Variants in PCDHA1 observed in about 807,000 individuals in gnomAD.
The protein encoded by PCDHA1 is protocadherin alpha 1.
Under a neutral mutation model 61.3 loss-of-function variants are expected in PCDHA1, and 42 were observed. That is an observed-to-expected ratio of 0.69 (90% CI 0.54 to 0.89). The LOEUF is 0.89. PCDHA1 is among the 40% of genes least tolerant of loss of function. PCDHA1 has a pLI of 0.00. For missense variants in PCDHA1, 1,256 were observed against 1,235.3 expected, an observed-to-expected ratio of 1.02 and a Z score of -0.25; for synonymous variants, 610 against 553.8, an observed-to-expected ratio of 1.10 and a Z score of -1.43.
intron 1 of PCDHA1, chr5:140,867,841 C>T (rs1554161566): frequency 1.3e-5 from 2 of 151,958 alleles, no homozygotes; most frequent in African/African-American, 4.8e-5. Flanking sequence ...GGTAATTTAC[C>T]ATTTAGTTGA....
chr5:140,917,327 G>C (rs1219338384), intron 1 of PCDHA1, among the ~76,000 whole-genome samples: 1 of 149,420 alleles, frequency 6.7e-6, no homozygotes, highest in African/African-American at 2.5e-5. Flanking sequence ...CATGTGGCGG[G>C]GGAGGGGGGG....
At chr5:140,983,720 T>G (rs1563510266) in intron 3 of PCDHA1, among the ~76,000 whole-genome samples, 1 of 152,228 alleles carries the variant, frequency 6.6e-6, no homozygotes, top group Non-Finnish European at 1.5e-5. Context: ...AGCACTTATA[T>G]TCATAACATG....
intron 3 of PCDHA1, among the ~76,000 whole-genome samples, chr5:140,990,384 T>A (rs2097391380): frequency 6.6e-6 from 1 of 152,186 alleles, no homozygotes; most frequent in Non-Finnish European, 1.5e-5. Context: ...TTGTTGGTGA[T>A]GTTCCAAGAA....
At chr5:140,839,222 T>C (rs1358006384) in intron 1 of PCDHA1, among the ~76,000 whole-genome samples, 1 of 151,922 alleles carries the variant, frequency 6.6e-6, no homozygotes, top group Non-Finnish European at 1.5e-5. Flanking sequence ...GATGTAACTG[T>C]AATCTGTTTT....
intron 1 of PCDHA1, chr5:140,803,247 G>C: frequency 1.2e-6 from 2 of 1,613,830 alleles, no homozygotes; most frequent in Non-Finnish European, 1.7e-6. Flanking sequence ...CCAGGCGTCC[G>C]CTGGCGCCAC....
intron 1 of PCDHA1, chr5:140,823,603 C>A (rs2150127370): frequency 1.2e-6 from 2 of 1,614,048 alleles, no homozygotes; most frequent in South Asian, 2.2e-5. Context: ...TTCGTATGAG[C>A]TGCAGCCAGC....
intron 1 of PCDHA1, chr5:140,823,834 G>T (rs1197490910): frequency 1.9e-6 from 3 of 1,613,838 alleles, no homozygotes; most frequent in East Asian, 4.5e-5. Context: ...GGGCGCTGTG[G>T]GTCCCGAGGC....
chr5:140,884,504 G>A (rs782001863), intron 1 of PCDHA1: 5 of 1,614,180 alleles, frequency 3.1e-6, no homozygotes, highest in Admixed American at 3.3e-5. Flanking sequence ...CAGCGCGGCA[G>A]GGAGTTGGTC....
intron 1 of PCDHA1, chr5:140,863,799 G>T: frequency 4.7e-6 from 1 of 212,460 alleles, no homozygotes; most frequent in Non-Finnish European, 9.6e-6. Context: ...AGGAGTTTGA[G>T]ACCAGCCTGG....
intron 1 of PCDHA1, chr5:140,858,297 A>T: frequency 1.3e-6 from 2 of 1,597,406 alleles, no homozygotes; most frequent in Non-Finnish European, 1.7e-6. Context: ...TCTTACTCGC[A>T]GCAGAGGCGG....
In PCDHA1 at chr5:140,786,550, A is replaced by G. The variant is rs781835039; in HGVS notation, c.260A>G (p.Asn87Ser). 8.1e-6 allele frequency: 13 copies of G among 1,614,230 alleles called. No individual in the cohort carries two copies. Among genetic ancestry groups the G allele is most frequent in the Non-Finnish European group, 1.1e-5 (13 of 1,180,042 alleles). ...CTGCAGAATGGCATTTTGTTTGTGA[A>G]TTCTCGGATCGATCGCGAGGAGCTG... ...VNLQNGILFV[N>S]SRIDREELCQ... is the part of the protein sequence containing the mutation. Residue 87 changes from asparagine (N) to serine (S), a missense_variant, in exon 1 of 4, where the codon AAT (asparagine) becomes AGT (serine). Physicochemically the swap from Asn to Ser is conservative, Grantham distance 46. Transcript: ENST00000504120.
At chr5:140,813,701 T>C (rs1357326463) in intron 1 of PCDHA1, 1 of 152,174 alleles carries the variant, frequency 6.6e-6, no homozygotes, top group Non-Finnish European at 1.5e-5. Flanking sequence ...TATCAAAAAA[T>C]TTTCTTTTTA....
At chr5:140,842,617 G>A (rs2150340722) in intron 1 of PCDHA1, 15 of 1,572,174 alleles carry the variant, frequency 9.5e-6, no homozygotes, top group South Asian at 7.8e-5. Context: ...ACGGGGGCTC[G>A]CCTTCGCTGT....
In PCDHA1 at chr5:141,010,605, A is replaced by G. The variant is rs2098417765; in HGVS notation, c.*668A>G. ...AAAGTCTGTTGGCTGTGACGTCATT[A>G]TACCTAAAATCTGCATCATACCTGC... On this transcript the variant is annotated 3_prime_UTR_variant, in exon 4 of 4. Transcript: ENST00000504120. 1 of 206,202 alleles carries G rather than the reference A, an allele frequency of 4.8e-6. No individual in the cohort carries two copies. Among genetic ancestry groups the G allele is most frequent in the Non-Finnish European group, 9.9e-6 (1 of 101,122 alleles). 12.8% of individuals were successfully genotyped at this position (206,202 alleles called of 1,614,324 possible). A position where few individuals can be genotyped will look rare whatever the true frequency, so the allele number is the denominator to read the frequency against.
intron 1 of PCDHA1, chr5:140,801,802 G>C (rs782120718): frequency 6.2e-7 from 1 of 1,613,964 alleles, no homozygotes; most frequent in Non-Finnish European, 8.5e-7. Context: ...AATTTAAATC[G>C]AGAGGACACT....
intron 1 of PCDHA1, among the ~76,000 whole-genome samples, chr5:140,942,271 A>G (rs1421470016): frequency 6.6e-6 from 1 of 152,184 alleles, no homozygotes; most frequent in Non-Finnish European, 1.5e-5. Context: ...AAAGCTGGTA[A>G]TGGTGGCTCA....
rs1411970319 is a variant in PCDHA1, at chr5:140,927,470, G to A, written c.2395-51479G>A. The A allele has an allele frequency of 4.3e-6, 7 of 1,614,054 alleles. 1 individual carries two copies. The highest frequency in any genetic ancestry group is 3.3e-5 in the South Asian group (3 of 91,088). ...TTGGTGTTGGAGAAAGCACTGGATC[G>A]CGAACAGCGCGCCACCCACCTGCTG... On this transcript the variant is annotated intron_variant, in intron 1 of 3. Transcript: ENST00000504120.
rs2150353196 is a variant in PCDHA1 at position 140,843,120 on chromosome 5, A to G, written c.2394+54436A>G. The G allele has an allele frequency of 2.5e-6, 4 of 1,595,472 alleles. 1 individual carries two copies. Among genetic ancestry groups the G allele is most frequent in the Non-Finnish European group, 3.4e-6 (4 of 1,165,480 alleles). Reference sequence around the variant, plus strand: ...GCGAAGGTGCGCGCAGTGGACGCCGACTCGGGCTACAACGCGTGGCTTTCG... The same window carrying G: ...GCGAAGGTGCGCGCAGTGGACGCCGGCTCGGGCTACAACGCGTGGCTTTCG... On this transcript the variant is annotated intron_variant, in intron 1 of 3. Coordinates refer to ENST00000504120, the MANE Select transcript of PCDHA1 (RefSeq NM_018900.4).
At position 140,957,203 on chromosome 5, in the gene PCDHA1, A is replaced by T. The variant is rs921844658; in HGVS notation, c.2395-21746A>T. 3.3e-5 allele frequency among the ~76,000 whole-genome samples: 5 copies of T among 152,184 alleles called. 1 individual carries two copies. In the South Asian group the frequency reaches 6.2e-4, roughly 19 times the overall value. ...TATTGATGACCGATTGGGAATATAAATAGGCACAAAAATTTGGCGAAGCAT... is the reference window on the plus strand; with the variant it reads ...TATTGATGACCGATTGGGAATATAATTAGGCACAAAAATTTGGCGAAGCAT... On this transcript the variant is annotated intron_variant, in intron 1 of 3. Transcript: ENST00000504120.
Sources: allele counts gnomAD v4.1 joint callset (sites outside exome capture counted in the v4.1 genomes callset), GRCh38; gene constraint gnomAD v4.1.1; transcripts MANE v1.5; gene names NCBI Gene and HGNC (gene_info 2026-07-23, HGNC 2026-07-21).